Variants in BICRA observed in about 807,000 individuals in gnomAD.
The protein encoded by BICRA is BRD4 interacting chromatin remodeling complex associated protein.
Under a neutral mutation model 96.9 loss-of-function variants are expected in BICRA, and 31 were observed. The observed-to-expected ratio is 0.32, with a 90% CI of 0.24 to 0.43. The LOEUF is 0.43. Ranked by LOEUF, BICRA falls within the 20% of genes least tolerant of loss-of-function variation. The probability of loss-of-function intolerance (pLI) is 1.00; values close to 1 mark genes in which losing one functional copy is unlikely to be tolerated. For missense variants in BICRA, 2,283 were observed against 2,190.3 expected, an observed-to-expected ratio of 1.04 and a Z score of -0.84; for synonymous variants, 1,350 against 1,071.8, an observed-to-expected ratio of 1.26 and a Z score of -5.07.
chr19:47,626,717 G>GTTTTT (rs35347398), intron 1 of BICRA, among the ~76,000 whole-genome samples: 3 of 101,254 alleles, frequency 3.0e-5, no homozygotes, highest in Non-Finnish European at 5.7e-5. Context: ...TGCATCCTGG[G>GTTTTT]TTTTTTTTTT....
chr19:47,627,231 A>C (rs1317075324), intron 1 of BICRA, among the ~76,000 whole-genome samples: 1 of 152,098 alleles, frequency 6.6e-6, no homozygotes, highest in African/African-American at 2.4e-5. Context: ...TTCAGAGAGC[A>C]ATATGTTCCT....
At chr19:47,663,788 C>G (rs1357074254) in intron 1 of BICRA, 1 of 96,578 alleles carries the variant, frequency 1.0e-5, no homozygotes, top group East Asian at 3.5e-4. Flanking sequence ...TTCTTTGTGT[C>G]GCAGTACACA....
intron 1 of BICRA, among the ~76,000 whole-genome samples, chr19:47,632,684 G>A (rs534050854): frequency 6.6e-6 from 1 of 152,338 alleles, no homozygotes; most frequent in African/African-American, 2.4e-5. Flanking sequence ...GGAGGATTCA[G>A]TGAGAGAGCA....
intron 1 of BICRA, among the ~76,000 whole-genome samples, chr19:47,669,977 AG>A (rs1484576917): frequency 1.4e-5 from 2 of 145,092 alleles, no homozygotes; most frequent in East Asian, 4.2e-4. Context: ...TTTTTGAGAC[AG>A]GGTCTCACTG....
chr19:47,694,355 G>T lies in BICRA; in HGVS notation c.2524G>T (p.Gly842Cys). The stretch of plus-strand genomic sequence containing the variant: ...CATCTTTGTCATCCAAAACCAGCTA[G>T]GCGTTCCCCCGCCTGCCAGCAACCC... ...PGIFVIQNQL[G>C]VPPPASNPAP... Residue 842 changes from glycine to cysteine, a missense_variant, in exon 8 of 15, where the codon GGC becomes TGC. Gly to Cys is a radical substitution (Grantham distance 159, BLOSUM62 -3). Coordinates refer to ENST00000594866, the MANE Select transcript of BICRA (RefSeq NM_001394372.1). 1 of 1,261,926 alleles carries T rather than the reference G, an allele frequency of 7.9e-7. No individual in the cohort carries two copies. The highest frequency in any genetic ancestry group is 1.1e-6 in the Non-Finnish European group (1 of 899,426). The allele number at this position is 1,261,926 out of a possible 1,614,324, so 78.2% of individuals were successfully genotyped here.
rs1448528079 is a variant in BICRA, at chr19:47,694,705, T to A, written c.2874T>A (p.Ala958=). ...TPFPALPQPK[A]LLERFHQVPS... Reference sequence around the variant, plus strand: ...TCCCAGCGCTGCCCCAGCCGAAGGCTCTTCTCGAGAGATTTCACCAGGTAA... The same window carrying A: ...TCCCAGCGCTGCCCCAGCCGAAGGCACTTCTCGAGAGATTTCACCAGGTAA... The change falls in exon 8 of 15, where the codon GCT becomes GCA. Residue 958 remains alanine (A), a synonymous_variant. Transcript: ENST00000594866. 1 of 1,549,982 alleles carries A rather than the reference T, an allele frequency of 6.5e-7. No homozygotes were observed. The highest frequency in any genetic ancestry group is 8.8e-7 in the Non-Finnish European group (1 of 1,140,946).
chr19:47,698,092 C>A lies in BICRA; in HGVS notation c.3249-542C>A, dbSNP rs543598411. On this transcript the variant is annotated intron_variant, in intron 11 of 14. Transcript: ENST00000594866. This position sits in a 1 kb window ranked among gnomAD's most constrained non-coding sequence, Gnocchi z 4.8. ...AGTAAGTGACACAAAGTCCCTGCCC[C>A]CACAGTGCAGAGAGGCTGCTGGTTT... 1.5e-4 allele frequency among the ~76,000 whole-genome samples: 23 copies of A among 152,320 alleles called. 1 individual carries two copies. Among genetic ancestry groups the A allele is most frequent in the African/African-American group, 4.8e-4 (20 of 41,578 alleles).
chr19:47,652,921 T>A (rs1311358170), intron 1 of BICRA, among the ~76,000 whole-genome samples: 1 of 151,972 alleles, frequency 6.6e-6, no homozygotes, highest in Non-Finnish European at 1.5e-5. Flanking sequence ...AAGCAGATGG[T>A]AACGTTTTAC....
At chr19:47,611,782 GTAT>G (rs1410907567) in intron 1 of BICRA, among the ~76,000 whole-genome samples, 2 of 152,110 alleles carry the variant, frequency 1.3e-5, no homozygotes, top group Non-Finnish European at 2.9e-5. Flanking sequence ...GTGGGTAAAA[GTAT>G]TATCCAAACG....
intron 1 of BICRA, among the ~76,000 whole-genome samples, chr19:47,609,519 T>G (rs2123497566): frequency 6.8e-6 from 1 of 147,996 alleles, no homozygotes; most frequent in Non-Finnish European, 1.5e-5. Context: ...CGGCGCCCAG[T>G]GCCTCCCCGG....
At chr19:47,644,732 C>T (rs567577028) in intron 1 of BICRA, among the ~76,000 whole-genome samples, 1 of 152,124 alleles carries the variant, frequency 6.6e-6, no homozygotes, top group Non-Finnish European at 1.5e-5. Context: ...AACTCCTGGC[C>T]TCAAGTGATC....
At chr19:47,628,388 C>A (rs925907455) in intron 1 of BICRA, among the ~76,000 whole-genome samples, 5 of 152,100 alleles carry the variant, frequency 3.3e-5, no homozygotes, top group African/African-American at 1.2e-4. Flanking sequence ...AGTAAGGTGT[C>A]CAGTGGTTTT....
In BICRA at chr19:47,682,115, C is replaced by A; in HGVS notation, c.2246C>A (p.Ala749Asp). 1.3e-6 allele frequency: 2 copies of A among 1,506,080 alleles called. No homozygotes were observed. The highest frequency in any genetic ancestry group is 1.9e-5 in the Admixed American group (1 of 52,256). 93.3% of individuals were successfully genotyped at this position (1,506,080 alleles called of 1,614,324 possible). Reference sequence around the variant, plus strand: ...AAAGGAGCTGGCCTCGGCCCTCAGGCCCCCGACAGCCAGGCTTCCCCGGCT... The same window carrying A: ...AAAGGAGCTGGCCTCGGCCCTCAGGACCCCGACAGCCAGGCTTCCCCGGCT... ...VAKGAGLGPQ[A>D]PDSQASPAPA... Residue 749 changes from alanine (A) to aspartate (D), a missense_variant, in exon 7 of 15, where the codon GCC (alanine) becomes GAC (aspartate). Coordinates refer to ENST00000594866, the MANE Select transcript of BICRA (RefSeq NM_001394372.1).
chr19:47,698,953 C>A lies in BICRA; in HGVS notation c.3398-12C>A. Reference sequence around the variant, plus strand: ...AACATCTCCGCCCTTGCCTCTCTTCCCTTCCTCGCAGTGGACGAGGAGTTT... The same window carrying A: ...AACATCTCCGCCCTTGCCTCTCTTCACTTCCTCGCAGTGGACGAGGAGTTT... On this transcript the variant is annotated splice_polypyrimidine_tract_variant and intron_variant, in intron 12 of 14. Coordinates refer to ENST00000594866, the MANE Select transcript of BICRA (RefSeq NM_001394372.1). The surrounding 1 kb of genome is among the most constrained non-coding windows in gnomAD (Gnocchi z 4.8). 3 of 1,560,098 alleles carry A rather than the reference C, an allele frequency of 1.9e-6. No homozygotes were observed. Among genetic ancestry groups the A allele is most frequent in the Non-Finnish European group, 2.6e-6 (3 of 1,148,300 alleles).
At chr19:47,634,906 G>A (rs377360807) in intron 1 of BICRA, among the ~76,000 whole-genome samples, 1 of 151,820 alleles carries the variant, frequency 6.6e-6, no homozygotes, top group African/African-American at 2.4e-5. Flanking sequence ...GGGACTGCAG[G>A]CACCCGCCAC....
At position 47,701,409 on chromosome 19, in the gene BICRA, C is replaced by G; in HGVS notation, c.3677C>G (p.Pro1226Arg). ...SEGHRLPGHGPLSSSAPGAST... is the reference protein window; with the variant it reads ...SEGHRLPGHGRLSSSAPGAST... ...GGTCATCGGCTTCCCGGCCACGGCC[C>G]CCTGTCGTCTTCAGCTCCCGGGGCC... The change falls in exon 15 of 15, where the codon CCC becomes CGC. Residue 1226 changes from proline (P) to arginine (R), a missense_variant. By Grantham distance (103) the Pro-to-Arg change is moderately radical (BLOSUM62 -2). Coordinates refer to ENST00000594866, the MANE Select transcript of BICRA (RefSeq NM_001394372.1). The surrounding 1 kb of genome is among the most constrained non-coding windows in gnomAD (Gnocchi z 5.4). The G allele has an allele frequency of 1.9e-6, 3 of 1,600,124 alleles. No homozygotes were observed. Among genetic ancestry groups the G allele is most frequent in the Non-Finnish European group, 8.5e-7 (1 of 1,174,484 alleles).
intron 2 of BICRA, among the ~76,000 whole-genome samples, chr19:47,671,012 G>A (rs1360521067): frequency 6.6e-6 from 1 of 152,220 alleles, no homozygotes; most frequent in Admixed American, 6.5e-5. Context: ...AGTAATTGGC[G>A]TGTGGGGCTC....
intron 1 of BICRA, among the ~76,000 whole-genome samples, chr19:47,668,711 C>T (rs541605596): frequency 3.9e-5 from 6 of 152,034 alleles, no homozygotes; most frequent in African/African-American, 7.2e-5. Context: ...AGGCTGGTCT[C>T]GAACTCCTGG....
intron 7 of BICRA, among the ~76,000 whole-genome samples, chr19:47,693,023 G>A (rs192994386): frequency 6.6e-6 from 1 of 152,230 alleles, no homozygotes; most frequent in Non-Finnish European, 1.5e-5. Flanking sequence ...TCTGTGAAAT[G>A]GGTCCAGTGT....
Sources: gnomAD v4.1 joint callset for allele counts (sites outside exome capture counted in the v4.1 genomes callset) on GRCh38, gnomAD v4.1.1 for gene constraint, Gnocchi (gnomAD v3.1) non-coding constraint, MANE v1.5 for transcripts, NCBI Gene and HGNC (gene_info 2026-07-23, HGNC 2026-07-21) for gene names.